TMEM233: variants seen among roughly 807,000 people sequenced by gnomAD.
The protein encoded by TMEM233 is transmembrane protein 233.
TMEM233 carries 6 observed loss-of-function variants against 11.2 expected under a neutral mutation model. That is an observed-to-expected ratio of 0.54 (90% CI 0.29 to 1.06). TMEM233 has a LOEUF of 1.06. Among genes scored for constraint, TMEM233 ranks in the 50% least tolerant of loss-of-function variants. The probability of loss-of-function intolerance (pLI) is 0.08; values close to 1 mark genes in which losing one functional copy is unlikely to be tolerated. For synonymous variants in TMEM233, 59 were observed against 55.8 expected (o/e 1.06, Z -0.26); for missense variants, 127 against 144.7 (o/e 0.88, Z 0.63).
At chr12:119,631,530 G>T in intron 2 of TMEM233, 2 of 985,470 alleles carry the variant, frequency 2.0e-6, no homozygotes, top group South Asian at 4.7e-5. Context: ...GAAACTCAAG[G>T]TTTCTTGCCT....
intron 2 of TMEM233, among the ~76,000 whole-genome samples, chr12:119,637,618 G>T (rs1179547920): frequency 6.6e-6 from 1 of 152,098 alleles, no homozygotes; most frequent in Non-Finnish European, 1.5e-5. Context: ...GAATTGTTTT[G>T]ATCAGAGAAT....
intron 2 of TMEM233, among the ~76,000 whole-genome samples, chr12:119,637,792 G>A (rs745718597): frequency 5.9e-5 from 9 of 152,124 alleles, no homozygotes; most frequent in South Asian, 2.1e-4. Context: ...AGCTAGCAGC[G>A]CATTGATGAA....
chr12:119,626,538 G>GGAGAAGGGAGAAGAGAA (rs1449714373), intron 1 of TMEM233, among the ~76,000 whole-genome samples: 15 of 63,810 alleles, frequency 2.4e-4, no homozygotes, highest in African/African-American at 7.9e-4. Flanking sequence ...AAGGGAGAAG[G>GGAGAAGGGAGAAGAGAA]GAGAAGAGAA....
intron 1 of TMEM233, among the ~76,000 whole-genome samples, chr12:119,616,438 C>G (rs188614741): frequency 2.0e-5 from 3 of 152,334 alleles, no homozygotes; most frequent in African/African-American, 7.2e-5. Flanking sequence ...AGAGAGACAG[C>G]AACTGGCTGC....
At chr12:119,637,269 G>T (rs1222109200) in intron 2 of TMEM233, among the ~76,000 whole-genome samples, 1 of 152,186 alleles carries the variant, frequency 6.6e-6, no homozygotes, top group East Asian at 1.9e-4. Context: ...GTACACACCT[G>T]TGTGTTAAAA....
intron 1 of TMEM233, among the ~76,000 whole-genome samples, chr12:119,597,830 A>T (rs1019536955): frequency 6.6e-6 from 1 of 152,162 alleles, no homozygotes; most frequent in African/African-American, 2.4e-5. Context: ...AGCATACTTA[A>T]CCTCAATTTG....
chr12:119,629,518 A>G (rs147136141), intron 1 of TMEM233, among the ~76,000 whole-genome samples: 224 of 152,374 alleles, frequency 1.5e-3, no homozygotes, highest in Middle Eastern at 6.8e-3. Context: ...GACAAAAGTC[A>G]TCAGGAAATA....
chr12:119,616,453 C>T (rs1954535525), intron 1 of TMEM233, among the ~76,000 whole-genome samples: 1 of 152,212 alleles, frequency 6.6e-6, no homozygotes, highest in Non-Finnish European at 1.5e-5. Flanking sequence ...GGCTGCTTAG[C>T]ACCCTCAAAT....
At chr12:119,647,789 G>A (rs569025902), downstream of TMEM233, among the ~76,000 whole-genome samples, 6 of 36,958 alleles carry the variant, frequency 1.6e-4, no homozygotes, top group South Asian at 3.8e-3. Context: ...CCACCCCCCC[G>A]ACAGGCCCCA....
chr12:119,627,027 G>A (rs1954780124), intron 1 of TMEM233, among the ~76,000 whole-genome samples: 2 of 152,246 alleles, frequency 1.3e-5, no homozygotes, highest in Admixed American at 1.3e-4. Context: ...CCGGGGAAAA[G>A]GCAGAGGAGC....
the TMEM233 span, among the ~76,000 whole-genome samples, chr12:119,651,307 G>T: frequency 0.013 from 1,914 of 152,242 alleles, 45 homozygotes; most frequent in African/African-American, 0.044. Flanking sequence ...TCTCTCATGG[G>T]AGTAGCTCTT....
rs1217793508 is a variant in TMEM233 at position 119,629,803 on chromosome 12, T to C, written c.254T>C (p.Val85Ala). The C allele has an allele frequency of 9.7e-6, 15 of 1,551,698 alleles. No individual in the cohort carries two copies. In the East Asian group the frequency reaches 3.4e-4, roughly 35 times the overall value. ...CGGCTTGGGCGGAATGCTAAGTGGG[T>C]AGCCATCGCCTCCATCATCATTGGC... Reference protein sequence around the residue: ...ARRLGRNAKWVAIASIIIGLL... With the variant: ...ARRLGRNAKWAAIASIIIGLL... The change falls in exon 2 of 3, where the codon GTA becomes GCA. Residue 85 changes from valine to alanine, a missense_variant. Physicochemically the swap from Val to Ala is moderately conservative, Grantham distance 64 (BLOSUM62 0). Transcript: ENST00000426426.
At chr12:119,615,517 G>A (rs1055719801) in intron 1 of TMEM233, among the ~76,000 whole-genome samples, 1 of 152,184 alleles carries the variant, frequency 6.6e-6, no homozygotes, top group Non-Finnish European at 1.5e-5. Context: ...AGGAACTTGG[G>A]TATAGGAATT....
At chr12:119,640,119 G>A (rs1019814686) in intron 2 of TMEM233, among the ~76,000 whole-genome samples, 8 of 151,638 alleles carry the variant, frequency 5.3e-5, no homozygotes, top group African/African-American at 1.9e-4. Flanking sequence ...ATGCTCAAGA[G>A]GCATTTTTCC....
chr12:119,612,963 G>GT (rs1052044244), intron 1 of TMEM233, among the ~76,000 whole-genome samples: 16 of 151,704 alleles, frequency 1.1e-4, no homozygotes, highest in East Asian at 5.8e-4. Flanking sequence ...TTTTGTTTTT[G>GT]TTTTTTTATT....
At chr12:119,596,400 A>G (rs1408489092) in intron 1 of TMEM233, among the ~76,000 whole-genome samples, 1 of 151,384 alleles carries the variant, frequency 6.6e-6, no homozygotes, top group Non-Finnish European at 1.5e-5. Context: ...AGGTTTGCAC[A>G]TGCTTTGAAT....
At chr12:119,615,257 T>C (rs980698610) in intron 1 of TMEM233, among the ~76,000 whole-genome samples, 10 of 151,758 alleles carry the variant, frequency 6.6e-5, no homozygotes, top group African/African-American at 2.4e-4. Flanking sequence ...TGTATTCATC[T>C]TATTTATTTG....
intron 1 of TMEM233, among the ~76,000 whole-genome samples, chr12:119,617,340 T>G (rs2393523): frequency 0.39 from 59,083 of 151,874 alleles, 12,853 homozygotes; most frequent in African/African-American, 0.57. Flanking sequence ...TGAGGGACTT[T>G]TTGGGAACTA....
chr12:119,612,316 C>A (rs1262436034), intron 1 of TMEM233, among the ~76,000 whole-genome samples: 1 of 151,938 alleles, frequency 6.6e-6, no homozygotes, highest in Admixed American at 6.6e-5. Flanking sequence ...TTCTTATCCC[C>A]ATTTTACAAA....
Sources: allele counts gnomAD v4.1 joint callset (sites outside exome capture counted in the v4.1 genomes callset), GRCh38; gene constraint gnomAD v4.1.1; transcripts MANE v1.5; gene names NCBI Gene and HGNC (gene_info 2026-07-23, HGNC 2026-07-21).